Variants in RPS6KB1 observed in about 807,000 individuals in gnomAD.
RPS6KB1 encodes the protein ribosomal protein S6 kinase beta-1.
Under a neutral mutation model 70.2 loss-of-function variants are expected in RPS6KB1, and 12 were observed. That is an observed-to-expected ratio of 0.17 (90% CI 0.11 to 0.28). The LOEUF (loss-of-function observed/expected upper bound fraction) is 0.28, where lower values mean the gene tolerates loss of function less well. RPS6KB1 is among the 10% of genes least tolerant of loss of function. RPS6KB1 has a pLI of 1.00. For synonymous variants in RPS6KB1, 175 were observed against 211.2 expected (o/e 0.83, Z 1.49); for missense variants, 270 against 646.6 (o/e 0.42, Z 6.32).
At chr17:59,929,378 C>A (rs528187827) in intron 5 of RPS6KB1, among the ~76,000 whole-genome samples, 42 of 152,194 alleles carry the variant, frequency 2.8e-4, no homozygotes, top group Non-Finnish European at 5.1e-4. Context: ...GGATTACAGG[C>A]GTAAGCCACT....
intron 4 of RPS6KB1, among the ~76,000 whole-genome samples, chr17:59,919,465 A>C (rs1428797735): frequency 2.6e-5 from 4 of 152,174 alleles, no homozygotes; most frequent in African/African-American, 9.7e-5. Context: ...CAAATAAATA[A>C]ATAAGTAAAT....
chr17:59,917,594 G>A (rs2043031497), intron 4 of RPS6KB1, among the ~76,000 whole-genome samples: 1 of 151,920 alleles, frequency 6.6e-6, no homozygotes, highest in African/African-American at 2.4e-5. Context: ...ATGCCACCAC[G>A]CCCAGTTCAT....
At chr17:59,933,460 A>T (rs2044061922) in intron 7 of RPS6KB1, among the ~76,000 whole-genome samples, 1 of 152,214 alleles carries the variant, frequency 6.6e-6, no homozygotes, top group Admixed American at 6.5e-5. Context: ...TTACATTTGA[A>T]TCAATAGGTC....
chr17:59,917,477 TC>T (rs2144839149), intron 4 of RPS6KB1, among the ~76,000 whole-genome samples: 1 of 151,894 alleles, frequency 6.6e-6, no homozygotes, highest in African/African-American at 2.4e-5. Flanking sequence ...TCACTCTGTT[TC>T]CCAGGCTGGA....
At chr17:59,908,452 C>T (rs942333416) in intron 1 of RPS6KB1, among the ~76,000 whole-genome samples, 35 of 151,556 alleles carry the variant, frequency 2.3e-4, no homozygotes, top group South Asian at 6.3e-4. Context: ...CCACCCGCCT[C>T]GGCCTCCCAA....
At chr17:59,895,213 A>C (rs2041463985) in intron 1 of RPS6KB1, among the ~76,000 whole-genome samples, 1 of 142,554 alleles carries the variant, frequency 7.0e-6, no homozygotes, top group African/African-American at 2.6e-5. Flanking sequence ...GTAGAGATGG[A>C]GTTTCACTGT....
chr17:59,924,754 C>T (rs979079005), intron 4 of RPS6KB1, among the ~76,000 whole-genome samples: 4 of 151,708 alleles, frequency 2.6e-5, no homozygotes, highest in African/African-American at 7.2e-5. Flanking sequence ...ATCCATGCTG[C>T]TGTACTTTTA....
chr17:59,940,692 T>C (rs1161159799), intron 12 of RPS6KB1, 144 bp from the exon 13 acceptor site: 1 of 455,350 alleles, frequency 2.2e-6, no homozygotes, highest in Admixed American at 4.0e-5. Context: ...CCTACATTTT[T>C]TTCTTCATTC....
chr17:59,896,060 A>T (rs190831799), intron 1 of RPS6KB1, among the ~76,000 whole-genome samples: 6 of 152,222 alleles, frequency 3.9e-5, no homozygotes, highest in African/African-American at 1.4e-4. Flanking sequence ...CATATACCAT[A>T]CTCTTTATCA....
rs1439335958 is a variant in RPS6KB1, at chr17:59,901,955, T to G, written c.142-8607T>G. On this transcript the variant is annotated intron_variant, in intron 1 of 14. Transcript: ENST00000225577. ...GATCGCTTGAGTCTCCAAGGTTGAGTTTGCCGTGATCCTGCCACTGCACTT... is the reference window on the plus strand; with the variant it reads ...GATCGCTTGAGTCTCCAAGGTTGAGGTTGCCGTGATCCTGCCACTGCACTT... Among the ~76,000 whole-genome samples the G allele has an allele frequency of 8.0e-5, 12 of 149,856 alleles. No individual in the cohort carries two copies. In the East Asian group the frequency reaches 2.0e-3, roughly 24 times the overall value.
At chr17:59,895,079 G>C (rs1341594734) in intron 1 of RPS6KB1, among the ~76,000 whole-genome samples, 1 of 151,698 alleles carries the variant, frequency 6.6e-6, no homozygotes, top group Non-Finnish European at 1.5e-5. Flanking sequence ...GGAATGCAGT[G>C]GCGTGATCTC....
At chr17:59,914,280 C>G (rs1282010341) in intron 3 of RPS6KB1, among the ~76,000 whole-genome samples, 1 of 151,154 alleles carries the variant, frequency 6.6e-6, no homozygotes, top group African/African-American at 2.4e-5. Flanking sequence ...TTATGTGAAG[C>G]AAGGGCAGTG....
intron 1 of RPS6KB1, among the ~76,000 whole-genome samples, chr17:59,900,235 T>C (rs1275639440): frequency 1.0e-4 from 12 of 115,388 alleles, no homozygotes; most frequent in Admixed American, 4.2e-4. Context: ...CACACACCCC[T>C]ATGTGTTTTT....
chr17:59,943,996 A>C (rs574715104), intron 13 of RPS6KB1, among the ~76,000 whole-genome samples: 3 of 151,928 alleles, frequency 2.0e-5, no homozygotes, highest in African/African-American at 7.2e-5. Context: ...ACCTCATTTC[A>C]ACAAATATTT....
chr17:59,916,052 C>T (rs2144826970), intron 4 of RPS6KB1, among the ~76,000 whole-genome samples: 1 of 152,104 alleles, frequency 6.6e-6, no homozygotes. Context: ...GCTGGGATTA[C>T]AGGCATGAGC....
Position 59,893,234 on chromosome 17 carries a change from G to A in RPS6KB1, c.50G>A (p.Arg17Gln), listed in dbSNP as rs767780996. 3.7e-6 allele frequency: 6 copies of A among 1,612,570 alleles called. No homozygotes were observed. Among genetic ancestry groups the A allele is most frequent in the Non-Finnish European group, 4.2e-6 (5 of 1,179,450 alleles). ...GGCTTTTACCCAGCCCCGGACTTCC[G>A]AGACAGGGAAGCTGAGGACATGGCA... is the stretch of plus-strand genomic sequence containing the variant. ...RDGFYPAPDF[R>Q]DREAEDMAGV... is the part of the protein sequence containing the mutation. Residue 17 changes from arginine (R) to glutamine (Q), a missense_variant, in exon 1 of 15, where the codon CGA becomes CAA. Physicochemically the swap from Arg to Gln is conservative, Grantham distance 43. Around this residue, in one of 4 missense-constraint regions of RPS6KB1, gnomAD observed 72 missense variants for 93.4 expected, o/e 0.77. Transcript: ENST00000225577. The surrounding 1 kb of genome is among the most constrained non-coding windows in gnomAD (Gnocchi z 4.1).
chr17:59,893,950 T>A lies in RPS6KB1; in HGVS notation c.141+625T>A, dbSNP rs1568356483. 16 of 970,782 alleles carry A rather than the reference T, an allele frequency of 1.6e-5. No homozygotes were observed. Among genetic ancestry groups the A allele is most frequent in the African/African-American group, 3.5e-5 (2 of 56,812 alleles). The allele number at this position is 970,782 out of a possible 1,614,324, so 60.1% of individuals were successfully genotyped here. A position where few individuals can be genotyped will look rare whatever the true frequency, so the allele number is the denominator to read the frequency against. ...GTTTGTTTGTTTGCTTTTTTTTTTT[T>A]ACCCCCTTCCGTGTGACTTTTTAAA... On this transcript the variant is annotated intron_variant, in intron 1 of 14. Transcript: ENST00000225577. This position sits in a 1 kb window ranked among gnomAD's most constrained non-coding sequence, Gnocchi z 4.1.
intron 4 of RPS6KB1, among the ~76,000 whole-genome samples, chr17:59,924,064 T>G (rs1296726743): frequency 1.3e-5 from 2 of 148,926 alleles, no homozygotes; most frequent in African/African-American, 4.9e-5. Context: ...CTGGGTGCAG[T>G]GGCTCACACC....
rs1378437367 is a variant in RPS6KB1, at chr17:59,908,447, C to T, written c.142-2115C>T. Reference sequence around the variant, plus strand: ...AACTTCTGACCTCAGGTGATCCACCCGCCTCGGCCTCCCAAAGTGCTGGGA... The same window carrying T: ...AACTTCTGACCTCAGGTGATCCACCTGCCTCGGCCTCCCAAAGTGCTGGGA... On this transcript the variant is annotated intron_variant, in intron 1 of 14. Coordinates refer to ENST00000225577, the MANE Select transcript of RPS6KB1 (RefSeq NM_003161.4). 1.1e-4 allele frequency among the ~76,000 whole-genome samples: 17 copies of T among 151,380 alleles called. No individual in the cohort carries two copies. In the East Asian group the frequency reaches 2.0e-3, roughly 17 times the overall value.
Sources: allele counts gnomAD v4.1 joint callset (sites outside exome capture counted in the v4.1 genomes callset), GRCh38; gene constraint gnomAD v4.1.1; regional missense constraint gnomAD v4.1.1; non-coding constraint Gnocchi (gnomAD v3.1); transcripts MANE v1.5; gene names NCBI Gene and HGNC (gene_info 2026-07-23, HGNC 2026-07-21).